The following TTR variants were observed in gnomAD, a reference collection of about 807,000 sequenced individuals.
TTR encodes the protein transthyretin, also known as epididymis luminal protein 111.
A neutral mutation model predicts 13.7 loss-of-function variants in TTR; 8 were observed. The ratio of observed to expected loss-of-function variants is 0.58; its 90% CI spans 0.34 to 1.05. TTR has a LOEUF of 1.05. Ranked by LOEUF, TTR falls within the 50% of genes least tolerant of loss-of-function variation. The pLI, the probability that TTR is intolerant of heterozygous loss-of-function variation, is 0.02. For synonymous variants in TTR, 75 were observed against 71.7 expected (o/e 1.05, Z -0.23); for missense variants, 135 against 185.5 (o/e 0.73, Z 1.58).
At chr18:31,592,773 CGTTCCTGATA>C in intron 1 of TTR, 113 bp from the exon 2 acceptor site, 4 of 1,306,202 alleles carry the variant, frequency 3.1e-6, no homozygotes, top group Non-Finnish European at 4.3e-6. Flanking sequence ...TCGACACTTA[CGTTCCTGATA>C]ATGGGATCAG....
In TTR at chr18:31,592,942, CT is replaced by C; in HGVS notation, c.117del (p.Val40SerfsTer46). On this transcript the variant is annotated frameshift_variant, in exon 2 of 4. Coordinates refer to ENST00000237014, the MANE Select transcript of TTR (RefSeq NM_000371.4). LOFTEE classifies it high-confidence loss of function. Reference protein sequence around the residue: ...KCPLMVKVLDAVRGSPAINVA... With the variant: ...KCPLMVKVLDXVRGSPAINVA... The stretch of plus-strand genomic sequence containing the variant: ...CCTCTGATGGTCAAAGTTCTAGATG[CT>C]GTCCGAGGCAGTCCTGCCATCAATG... The C allele has an allele frequency of 6.2e-7, 1 of 1,614,124 alleles. No homozygotes were observed. Among genetic ancestry groups the C allele is most frequent in the Non-Finnish European group, 8.5e-7 (1 of 1,179,992 alleles).
At chr18:31,593,832 A>G (rs1080094) in intron 2 of TTR, among the ~76,000 whole-genome samples, 78,066 of 152,054 alleles carry the variant, frequency 0.51, 22,973 homozygotes, top group African/African-American at 0.82. Flanking sequence ...CAAAGTGACC[A>G]GAAGACAGAG....
chr18:31,594,037 T>C (rs1316530096), intron 2 of TTR, among the ~76,000 whole-genome samples: 1 of 152,096 alleles, frequency 6.6e-6, no homozygotes, highest in Non-Finnish European at 1.5e-5. Context: ...TTATATAAAA[T>C]GCCAAGCATA....
intron 2 of TTR, chr18:31,593,424 T>C (rs2073496965): frequency 3.7e-6 from 1 of 270,582 alleles, no homozygotes; most frequent in South Asian, 4.5e-5. Context: ...CTGGTGTCCC[T>C]GGGTAACACC....
At chr18:31,593,129 T>A (rs1253902316) in intron 2 of TTR, 103 bp downstream of exon 2, 1 of 1,566,872 alleles carries the variant, frequency 6.4e-7, no homozygotes, top group East Asian at 2.3e-5. Context: ...AATTTACAAG[T>A]AGATTGAAAA....
Position 31,591,970 on chromosome 18 carries a change from C to T in TTR, c.68C>T (p.Thr23Met), listed in dbSNP as rs377052919. ...GTATTTGTGTCTGAGGCTGGCCCTA[C>T]GGTGAGTGTTTCTGTGACATCCCAT... The part of the protein sequence containing the change: ...GLVFVSEAGP[T>M]GTGESKCPLM... Residue 23 changes from threonine to methionine, a missense_variant and splice_region_variant, in exon 1 of 4, where the codon ACG becomes ATG. Physicochemically the swap from Thr to Met is moderately conservative, Grantham distance 81 (BLOSUM62 -1). Transcript: ENST00000237014. 2.5e-5 allele frequency: 41 copies of T among 1,613,956 alleles called. No individual in the cohort carries two copies. Among genetic ancestry groups the T allele is most frequent in the Non-Finnish European group, 3.0e-5 (35 of 1,179,966 alleles).
chr18:31,593,426 G>A (rs533820209), intron 2 of TTR: 3 of 262,732 alleles, frequency 1.1e-5, no homozygotes, highest in South Asian at 9.6e-5. Context: ...GGTGTCCCTG[G>A]GTAACACCAA....
intron 2 of TTR, among the ~76,000 whole-genome samples, chr18:31,593,903 GAGA>G (rs1287463879): frequency 2.6e-5 from 4 of 152,228 alleles, no homozygotes; most frequent in African/African-American, 9.7e-5. Context: ...CATCTCCACA[GAGA>G]AGAATTTCTG....
chr18:31,593,792 T>C (rs1049686320), intron 2 of TTR, among the ~76,000 whole-genome samples: 2 of 152,152 alleles, frequency 1.3e-5, no homozygotes, highest in African/African-American at 4.8e-5. Context: ...AGCAAAAACT[T>C]CAAGGAAAAT....
intron 1 of TTR, 87 bp downstream of exon 1, chr18:31,592,058 CT>C: frequency 7.4e-7 from 1 of 1,359,972 alleles, no homozygotes; most frequent in Non-Finnish European, 1.1e-6. Context: ...TGCCAACCAG[CT>C]TTTATTACTA....
At chr18:31,594,226 A>G (rs2073503784) in intron 2 of TTR, among the ~76,000 whole-genome samples, 1 of 152,196 alleles carries the variant, frequency 6.6e-6, no homozygotes, top group Non-Finnish European at 1.5e-5. Flanking sequence ...TATCTATCGT[A>G]GCTGTTGCAG....
rs534899622 is a variant in TTR, at chr18:31,597,468, T to A, written c.337-1100T>A. The stretch of plus-strand genomic sequence containing the variant: ...ATTAGTTGATTCTAGGGAATTGGCC[T>A]TAAGGGGAGCCCTTTCTTCCTAAGA... On this transcript the variant is annotated intron_variant, in intron 3 of 3. Coordinates refer to ENST00000237014, the MANE Select transcript of TTR (RefSeq NM_000371.4). 3.3e-4 allele frequency among the ~76,000 whole-genome samples: 50 copies of A among 152,380 alleles called. 2 individuals carry two copies. The Middle Eastern group carries it at 0.024, about 73-fold the overall frequency.
rs1252826226 is a variant in TTR, at chr18:31,592,967, T to G, written c.141T>G (p.Asn47Lys). 1 of 1,614,044 alleles carries G rather than the reference T, an allele frequency of 6.2e-7. No individual in the cohort carries two copies. Among genetic ancestry groups the G allele is most frequent in the Non-Finnish European group, 8.5e-7 (1 of 1,180,008 alleles). ...CTGTCCGAGGCAGTCCTGCCATCAA[T>G]GTGGCCGTGCATGTGTTCAGAAAGG... Reference protein sequence around the residue: ...LDAVRGSPAINVAVHVFRKAA... With the variant: ...LDAVRGSPAIKVAVHVFRKAA... The change falls in exon 2 of 4, where the codon AAT becomes AAG. Residue 47 changes from asparagine to lysine, a missense_variant. Asn to Lys is a moderately conservative substitution (Grantham distance 94). Coordinates refer to ENST00000237014, the MANE Select transcript of TTR (RefSeq NM_000371.4).
chr18:31,594,616 C>A (rs923807935), intron 2 of TTR, among the ~76,000 whole-genome samples: 22 of 152,216 alleles, frequency 1.4e-4, no homozygotes, highest in African/African-American at 5.1e-4. Context: ...GTAATCCCAG[C>A]ACTTTGGGAT....
rs560663292 is a variant in TTR, at chr18:31,595,813, C to G, written c.336+558C>G. ...TTCCATATTTAACCTACTTAATCCT[C>G]AGGAATAAGCCACTGAGGTCAGTCC... On this transcript the variant is annotated intron_variant, in intron 3 of 3. Coordinates refer to ENST00000237014, the MANE Select transcript of TTR (RefSeq NM_000371.4). 99 of 267,214 alleles carry G rather than the reference C, an allele frequency of 3.7e-4. 2 individuals carry two copies. Among genetic ancestry groups the G allele is most frequent in the East Asian group, 2.9e-3 (31 of 10,794 alleles). 16.6% of individuals were successfully genotyped at this position (267,214 alleles called of 1,614,324 possible).
At chr18:31,592,262 G>T (rs2073490098) in intron 1 of TTR, among the ~76,000 whole-genome samples, 1 of 152,144 alleles carries the variant, frequency 6.6e-6, no homozygotes, top group Non-Finnish European at 1.5e-5. Context: ...TGATATTAAG[G>T]AAGCTGTTAA....
At chr18:31,595,908 C>G (rs531655817) in intron 3 of TTR, 1 of 177,036 alleles carries the variant, frequency 5.6e-6, no homozygotes, top group Non-Finnish European at 1.2e-5. Context: ...TCAAAGGTCA[C>G]AAGACTAGGA....
At chr18:31,596,365 G>A (rs1294229761) in intron 3 of TTR, among the ~76,000 whole-genome samples, 1 of 152,100 alleles carries the variant, frequency 6.6e-6, no homozygotes, top group African/African-American at 2.4e-5. Context: ...GTCAACAAGA[G>A]AGCCCCATCT....
intron 3 of TTR, among the ~76,000 whole-genome samples, chr18:31,596,829 C>T (rs974112397): frequency 3.3e-5 from 5 of 152,094 alleles, no homozygotes; most frequent in African/African-American, 7.2e-5. Flanking sequence ...CAGATAAATA[C>T]GGAGAACAAG....
Sources: allele counts gnomAD v4.1 joint callset (sites outside exome capture counted in the v4.1 genomes callset), GRCh38; gene constraint gnomAD v4.1.1; transcripts MANE v1.5; gene names NCBI Gene and HGNC (gene_info 2026-07-23, HGNC 2026-07-21).